MAGI2: variants seen among roughly 807,000 people sequenced by gnomAD.
MAGI2 encodes membrane-associated guanylate kinase, WW and PDZ domain-containing protein 2.
MAGI2 carries 35 observed loss-of-function variants against 133.3 expected under a neutral mutation model. The ratio of observed to expected loss-of-function variants is 0.26; its 90% CI spans 0.20 to 0.35. MAGI2 has a LOEUF of 0.35. MAGI2 is among the 10% of genes least tolerant of loss of function. MAGI2 has a pLI of 1.00. For synonymous variants in MAGI2, 729 were observed against 710.6 expected, an observed-to-expected ratio of 1.03 and a Z score of -0.41; for missense variants, 1,636 against 1,863.4, an observed-to-expected ratio of 0.88 and a Z score of 2.25.
chr7:78,287,285 A>T (rs1796237430), intron 9 of MAGI2, among the ~76,000 whole-genome samples: 1 of 152,176 alleles, frequency 6.6e-6, no homozygotes, highest in Non-Finnish European at 1.5e-5. Flanking sequence ...GTTCAGAGAG[A>T]AGGAGAAATT....
chr7:78,616,769 C>T (rs1174172297), intron 3 of MAGI2: 1 of 152,150 alleles, frequency 6.6e-6, no homozygotes, highest in African/African-American at 2.4e-5. Flanking sequence ...GCCCCAGAGT[C>T]TTGGGTCAGG....
intron 2 of MAGI2, among the ~76,000 whole-genome samples, chr7:78,711,622 G>T (rs1209819414): frequency 7.1e-6 from 1 of 141,198 alleles, no homozygotes; most frequent in Non-Finnish European, 1.6e-5. Context: ...TAGGTCCCCA[G>T]CTTCTCTTCT....
rs920503375 is a variant in MAGI2, at chr7:79,388,242, C to T, written c.301+64778G>A. The stretch of plus-strand genomic sequence containing the variant: ...AAACATGCCTTTTAAATCTCTGACC[C>T]TTATTGTTGATAAATACCTAACTTT... On this transcript the variant is annotated intron_variant, in intron 1 of 21. Coordinates refer to ENST00000354212, the MANE Select transcript of MAGI2 (RefSeq NM_012301.4). Among the ~76,000 whole-genome samples, 41 of 151,898 alleles carry T rather than the reference C, an allele frequency of 2.7e-4. 1 individual carries two copies. Among genetic ancestry groups the T allele is most frequent in the South Asian group, 2.1e-4 (1 of 4,828 alleles).
intron 1 of MAGI2, among the ~76,000 whole-genome samples, chr7:79,362,660 T>C (rs1030135186): frequency 2.0e-5 from 3 of 151,990 alleles, no homozygotes; most frequent in Non-Finnish European, 4.4e-5. Context: ...AGGTAATCTA[T>C]CGTATCAACA....
At chr7:79,171,772 T>TATA (rs1215314753) in intron 1 of MAGI2, among the ~76,000 whole-genome samples, 1,528 of 21,348 alleles carry the variant, frequency 0.072, 25 homozygotes, top group Admixed American at 0.12. Context: ...ATATATATAT[T>TATA]TTTTTTTTTT....
At chr7:78,938,074 T>C (rs973565226) in intron 2 of MAGI2, among the ~76,000 whole-genome samples, 2 of 152,032 alleles carry the variant, frequency 1.3e-5, no homozygotes, top group Non-Finnish European at 2.9e-5. Flanking sequence ...GACTGTTAAA[T>C]CTCTAGAGAT....
chr7:78,429,648 A>G (rs1799605312), intron 6 of MAGI2, among the ~76,000 whole-genome samples: 1 of 151,926 alleles, frequency 6.6e-6, no homozygotes, highest in African/African-American at 2.4e-5. Context: ...ATTATTCAAG[A>G]CGTTTTTTCG....
intron 1 of MAGI2, among the ~76,000 whole-genome samples, chr7:79,136,028 GGAAAGAAAGAAAGAAAGAAGGAAA>G (rs1821451062): frequency 5.8e-5 from 3 of 51,614 alleles, no homozygotes; most frequent in East Asian, 1.2e-3. Flanking sequence ...AAAGAAAGAA[GGAAAGAAAGAAAGAAAGAAGGAAA>G]GAAAGAAAGA....
intron 2 of MAGI2, among the ~76,000 whole-genome samples, chr7:78,879,231 C>T (rs1795660712): frequency 6.6e-6 from 1 of 152,212 alleles, no homozygotes; most frequent in Non-Finnish European, 1.5e-5. Flanking sequence ...TCTGGCCCCA[C>T]CCATACTGGT....
At position 79,417,755 on chromosome 7, in the gene MAGI2, A is replaced by C. The variant is rs930724495; in HGVS notation, c.301+35265T>G. 1.5e-4 allele frequency among the ~76,000 whole-genome samples: 23 copies of C among 152,088 alleles called. No homozygotes were observed. The South Asian group carries it at 1.7e-3, about 11-fold the overall frequency. On this transcript the variant is annotated intron_variant, in intron 1 of 21. Transcript: ENST00000354212. The stretch of plus-strand genomic sequence containing the variant: ...TGAATATGTCCACATATGCACAAAA[A>C]AAAAAAATAACTTACAGACTGGAGG...
chr7:78,099,751 C>T lies in MAGI2; in HGVS notation c.3568-20666G>A, dbSNP rs563785219. Among the ~76,000 whole-genome samples, 574 of 152,316 alleles carry T rather than the reference C, an allele frequency of 3.8e-3. 3 individuals carry two copies. Among genetic ancestry groups the T allele is most frequent in the Non-Finnish European group, 6.0e-3 (411 of 68,016 alleles). ...TGTTACCATGTTCTCTTGGACATTTCCAATGCATTTCTATTTTCCAATTTG... is the reference window on the plus strand; with the variant it reads ...TGTTACCATGTTCTCTTGGACATTTTCAATGCATTTCTATTTTCCAATTTG... On this transcript the variant is annotated intron_variant, in intron 20 of 21. Coordinates refer to ENST00000354212, the MANE Select transcript of MAGI2 (RefSeq NM_012301.4).
intron 4 of MAGI2, among the ~76,000 whole-genome samples, chr7:78,504,555 G>A (rs947774301): frequency 3.9e-5 from 6 of 152,056 alleles, no homozygotes; most frequent in African/African-American, 1.4e-4. Context: ...GTAGTGAGAG[G>A]CAATGTGAGG....
chr7:78,993,302 A>G (rs1805971865), intron 2 of MAGI2, among the ~76,000 whole-genome samples: 1 of 152,094 alleles, frequency 6.6e-6, no homozygotes, highest in African/African-American at 2.4e-5. Context: ...AAATCTGATA[A>G]CAATTATTTA....
chr7:78,233,831 A>G (rs989507956), intron 10 of MAGI2, among the ~76,000 whole-genome samples: 5 of 152,166 alleles, frequency 3.3e-5, no homozygotes, highest in African/African-American at 1.2e-4. Context: ...TATGGGACCT[A>G]TAAATTTTCT....
chr7:79,011,924 C>CCTTTCTTTCTTTCTTTCTTTCTTT lies in MAGI2; in HGVS notation c.302-4742_302-4719dup, dbSNP rs147300397. On this transcript the variant is annotated intron_variant, in intron 1 of 21. Coordinates refer to ENST00000354212, the MANE Select transcript of MAGI2 (RefSeq NM_012301.4). ...TCCTTCCTTCCTTCCTTCCTTCCTT[C>CCTTTCTTTCTTTCTTTCTTTCTTT]CTTTCTTTCTTTCTTTCTTTCTTTC... is the stretch of plus-strand genomic sequence containing the variant. Among the ~76,000 whole-genome samples, 344 of 121,254 alleles carry CCTTTCTTTCTTTCTTTCTTTCTTT rather than the reference C, an allele frequency of 2.8e-3. 3 individuals are homozygous for CCTTTCTTTCTTTCTTTCTTTCTTT. Among genetic ancestry groups the CCTTTCTTTCTTTCTTTCTTTCTTT allele is most frequent in the African/African-American group, 0.01 (314 of 30,160 alleles). 79.5% of individuals were successfully genotyped at this position (121,254 alleles called of 152,430 possible). A position where few individuals can be genotyped will look rare whatever the true frequency, so the allele number is the denominator to read the frequency against.
At chr7:78,320,573 G>A (rs1435848583) in intron 9 of MAGI2, among the ~76,000 whole-genome samples, 1 of 151,790 alleles carries the variant, frequency 6.6e-6, no homozygotes, top group East Asian at 1.9e-4. Context: ...AATTCAAGAC[G>A]TCCTCATGCT....
At chr7:79,055,988 C>T (rs1284205216) in intron 1 of MAGI2, among the ~76,000 whole-genome samples, 1 of 152,080 alleles carries the variant, frequency 6.6e-6, no homozygotes, top group Admixed American at 6.5e-5. Context: ...GATTTTTAGA[C>T]AAAAGAAACA....
intron 6 of MAGI2, among the ~76,000 whole-genome samples, chr7:78,414,683 G>T (rs1277771389): frequency 6.6e-6 from 1 of 151,882 alleles, no homozygotes; most frequent in East Asian, 1.9e-4. Flanking sequence ...CCTTCTTTTA[G>T]CTTAGAAGAG....
chr7:78,504,336 T>C (rs1794898876), intron 4 of MAGI2, among the ~76,000 whole-genome samples: 1 of 152,152 alleles, frequency 6.6e-6, no homozygotes, highest in Non-Finnish European at 1.5e-5. Flanking sequence ...TATCTCCTAA[T>C]GTGTATGTTT....
Sources: gnomAD v4.1 joint callset for allele counts (sites outside exome capture counted in the v4.1 genomes callset) on GRCh38, gnomAD v4.1.1 for gene constraint, MANE v1.5 for transcripts, NCBI Gene and HGNC (gene_info 2026-07-23, HGNC 2026-07-21) for gene names.